The following KCNAB1 variants were observed in gnomAD, a reference collection of about 807,000 sequenced individuals.
KCNAB1 encodes the protein potassium voltage-gated channel subfamily A regulatory beta subunit 1.
A neutral mutation model predicts 64.6 loss-of-function variants in KCNAB1; 35 were observed. The observed-to-expected ratio is 0.54, with a 90% CI of 0.41 to 0.72. KCNAB1 has a LOEUF of 0.72. Ranked by LOEUF, KCNAB1 falls within the 30% of genes least tolerant of loss-of-function variation. KCNAB1 has a pLI of 0.00. For missense variants in KCNAB1, 401 were observed against 512.9 expected, an observed-to-expected ratio of 0.78 and a Z score of 2.11; for synonymous variants, 177 against 183.8, an observed-to-expected ratio of 0.96 and a Z score of 0.30.
chr3:156,394,798 C>G (rs1465945220), intron 1 of KCNAB1, among the ~76,000 whole-genome samples: 2 of 152,186 alleles, frequency 1.3e-5, no homozygotes, highest in Non-Finnish European at 2.9e-5. Context: ...CTCTTCAACT[C>G]TGAGAAAGAA....
chr3:156,172,417 C>A (rs1712062150), intron 1 of KCNAB1, among the ~76,000 whole-genome samples: 1 of 151,962 alleles, frequency 6.6e-6, no homozygotes, highest in Non-Finnish European at 1.5e-5. Context: ...GTAGCGGGGA[C>A]TACAGGCATT....
chr3:156,487,235 C>T (rs1296570076), intron 8 of KCNAB1, among the ~76,000 whole-genome samples: 2 of 152,026 alleles, frequency 1.3e-5, no homozygotes, highest in Non-Finnish European at 2.9e-5. Context: ...GCACTTGGCC[C>T]CCTGTATAAA....
chr3:156,265,251 A>C (rs918710844), intron 1 of KCNAB1, among the ~76,000 whole-genome samples: 1 of 152,228 alleles, frequency 6.6e-6, no homozygotes, highest in Non-Finnish European at 1.5e-5. Context: ...AATAATAACA[A>C]ACCCATAATT....
At chr3:156,168,432 T>C (rs1711746077) in intron 1 of KCNAB1, among the ~76,000 whole-genome samples, 1 of 152,178 alleles carries the variant, frequency 6.6e-6, no homozygotes, top group South Asian at 2.1e-4. Flanking sequence ...TAGGAAGCAT[T>C]CCAGTTTAGA....
At chr3:156,348,085 G>A (rs567627272) in intron 1 of KCNAB1, among the ~76,000 whole-genome samples, 1 of 152,272 alleles carries the variant, frequency 6.6e-6, no homozygotes, top group South Asian at 2.1e-4. Flanking sequence ...GGCTAGGATA[G>A]GAGATATGAA....
At chr3:156,478,616 G>A (rs1189310912) in intron 8 of KCNAB1, among the ~76,000 whole-genome samples, 4 of 152,072 alleles carry the variant, frequency 2.6e-5, no homozygotes, top group African/African-American at 7.2e-5. Flanking sequence ...AATGAGCATC[G>A]CTAAGATACA....
At chr3:156,252,328 T>A (rs1717877917) in intron 1 of KCNAB1, among the ~76,000 whole-genome samples, 1 of 152,228 alleles carries the variant, frequency 6.6e-6, no homozygotes, top group Non-Finnish European at 1.5e-5. Context: ...TATTGCTATT[T>A]TTCCCCCTGT....
chr3:156,299,402 A>G (rs964809147), intron 1 of KCNAB1, among the ~76,000 whole-genome samples: 6 of 152,212 alleles, frequency 3.9e-5, no homozygotes, highest in Non-Finnish European at 8.8e-5. Context: ...TCACTGGTAC[A>G]TGTTCTGAAG....
At chr3:156,232,281 C>T (rs1667013367) in intron 1 of KCNAB1, among the ~76,000 whole-genome samples, 2 of 152,244 alleles carry the variant, frequency 1.3e-5, no homozygotes, top group South Asian at 2.1e-4. Context: ...GGGTGGTGAT[C>T]ATATGAAAAT....
chr3:156,358,653 G>C (rs1434364885), intron 1 of KCNAB1, among the ~76,000 whole-genome samples: 1 of 146,956 alleles, frequency 6.8e-6, no homozygotes, highest in African/African-American at 2.7e-5. Context: ...ATCCCTGGTA[G>C]GGTTTTTCTC....
At chr3:156,398,355 G>A (rs1371811403) in intron 1 of KCNAB1, among the ~76,000 whole-genome samples, 1 of 152,200 alleles carries the variant, frequency 6.6e-6, no homozygotes, top group Non-Finnish European at 1.5e-5. Flanking sequence ...CACTTTGGGA[G>A]GCCGAGGCGG....
Position 156,315,231 on chromosome 3 carries a change from A to G in KCNAB1, c.276-106385A>G, listed in dbSNP as rs1576714451. 2.0e-5 allele frequency among the ~76,000 whole-genome samples: 3 copies of G among 152,214 alleles called. No homozygotes were observed. In the South Asian group the frequency reaches 6.2e-4, roughly 32 times the overall value. On this transcript the variant is annotated intron_variant, in intron 1 of 13. Coordinates refer to ENST00000490337, the MANE Select transcript of KCNAB1 (RefSeq NM_172160.3). ...ATGCGAGTGCCTGCTTTTTTCTCTT[A>G]TGGTGGCCAGCCTGCCTTGCCAATG... is the stretch of plus-strand genomic sequence containing the variant.
intron 1 of KCNAB1, chr3:156,216,829 A>G (rs1392174674): frequency 1.3e-5 from 2 of 152,224 alleles, no homozygotes; most frequent in Admixed American, 6.5e-5. Flanking sequence ...GTTGCCCAGC[A>G]TGAGGGTGGT....
chr3:156,397,740 T>G (rs1407771822), intron 1 of KCNAB1, among the ~76,000 whole-genome samples: 1 of 152,212 alleles, frequency 6.6e-6, no homozygotes, highest in Admixed American at 6.5e-5. Context: ...GGAGCTTCTT[T>G]GTTCCTTATA....
rs142034462 is a variant in KCNAB1 at position 156,128,317 on chromosome 3, T to C, written c.275+7431T>C. On this transcript the variant is annotated intron_variant, in intron 1 of 13. Coordinates refer to ENST00000490337, the MANE Select transcript of KCNAB1 (RefSeq NM_172160.3). ...CCAAAGGGGCACACTGTGTTGTTTA[T>C]AGAGACAGTGCAACTGAAGTATCTC... is the stretch of plus-strand genomic sequence containing the variant. 2.7e-4 allele frequency among the ~76,000 whole-genome samples: 41 copies of C among 152,324 alleles called. No individual in the cohort carries two copies. In the East Asian group the frequency reaches 7.1e-3, roughly 27 times the overall value.
At chr3:156,201,314 A>T (rs140760119) in intron 1 of KCNAB1, among the ~76,000 whole-genome samples, 6 of 152,362 alleles carry the variant, frequency 3.9e-5, no homozygotes, top group Non-Finnish European at 7.3e-5. Flanking sequence ...ATATAATTTT[A>T]GAACAGCTTC....
At chr3:156,306,943 C>A (rs1721530169) in intron 1 of KCNAB1, among the ~76,000 whole-genome samples, 1 of 152,188 alleles carries the variant, frequency 6.6e-6, no homozygotes, top group African/African-American at 2.4e-5. Flanking sequence ...ACCCTGGGAC[C>A]TTGACCCAAT....
intron 1 of KCNAB1, among the ~76,000 whole-genome samples, chr3:156,178,063 G>A (rs1250972948): frequency 6.6e-6 from 1 of 152,140 alleles, no homozygotes; most frequent in African/African-American, 2.4e-5. Flanking sequence ...TACAATTTTA[G>A]GAAGGGTCAC....
At chr3:156,481,411 G>A (rs1714785552) in intron 8 of KCNAB1, among the ~76,000 whole-genome samples, 3 of 119,276 alleles carry the variant, frequency 2.5e-5, no homozygotes, top group Admixed American at 8.0e-5. Flanking sequence ...ACCCAGCCAA[G>A]CTTGTTGCAA....
Sources: gnomAD v4.1 joint callset for allele counts (sites outside exome capture counted in the v4.1 genomes callset) on GRCh38, gnomAD v4.1.1 for gene constraint, MANE v1.5 for transcripts, NCBI Gene and HGNC (gene_info 2026-07-23, HGNC 2026-07-21) for gene names.